REPS1: variants seen among roughly 807,000 people sequenced by gnomAD.
REPS1 encodes RALBP1 associated Eps domain containing 1.
In REPS1, 39 loss-of-function variants were observed where a neutral mutation model predicts 100.9. That is an observed-to-expected ratio of 0.39 (90% CI 0.30 to 0.50). The LOEUF (loss-of-function observed/expected upper bound fraction) is 0.50, where lower values mean the gene tolerates loss of function less well. REPS1 is among the 20% of genes least tolerant of loss of function. The pLI is 0.86. For synonymous variants in REPS1, 324 were observed against 340.3 expected (o/e 0.95, Z 0.53); for missense variants, 821 against 968.5 (o/e 0.85, Z 2.02).
intron 17 of REPS1, 87 bp downstream of exon 17, chr6:138,911,189 A>G (rs1779980005): frequency 3.4e-6 from 3 of 870,108 alleles, no homozygotes; most frequent in South Asian, 2.9e-5. Context: ...AATGGGTTAG[A>G]TGATTTCTGG....
chr6:138,949,538 C>CCAACA (rs907801817), intron 1 of REPS1, among the ~76,000 whole-genome samples: 1 of 151,932 alleles, frequency 6.6e-6, no homozygotes, highest in African/African-American at 2.4e-5. Flanking sequence ...ACCAGTCTGG[C>CCAACA]CAACACGGTG....
At chr6:138,908,591 G>A (rs1298070910) in intron 18 of REPS1, 77 bp downstream of exon 18, 1 of 1,520,814 alleles carries the variant, frequency 6.6e-7, no homozygotes, top group Non-Finnish European at 9.1e-7. Context: ...CACCACGCCT[G>A]GGCCAGTTTG....
intron 1 of REPS1, among the ~76,000 whole-genome samples, chr6:138,985,233 T>C (rs1220980103): frequency 6.6e-6 from 1 of 152,196 alleles, no homozygotes; most frequent in African/African-American, 2.4e-5. Flanking sequence ...TCCACCCTAA[T>C]TTAAAGTCCA....
chr6:138,935,715 A>G (rs924895958), intron 8 of REPS1, among the ~76,000 whole-genome samples: 4 of 151,666 alleles, frequency 2.6e-5, no homozygotes, highest in East Asian at 3.9e-4. Flanking sequence ...TTAGCCAGAC[A>G]TGGTGGCGCA....
chr6:138,908,600 T>G (rs1779811064), intron 18 of REPS1, 68 bp downstream of exon 18: 10 of 1,566,952 alleles, frequency 6.4e-6, no homozygotes, highest in Admixed American at 1.7e-5. Flanking sequence ...TGGGCCAGTT[T>G]GATTACTTTT....
At chr6:138,955,602 T>C (rs916167390) in intron 1 of REPS1, among the ~76,000 whole-genome samples, 3 of 151,934 alleles carry the variant, frequency 2.0e-5, no homozygotes, top group African/African-American at 7.3e-5. Flanking sequence ...TTTCCTTAAC[T>C]TTACTGGCTT....
intron 14 of REPS1, among the ~76,000 whole-genome samples, 172 bp downstream of exon 14, chr6:138,915,673 GAACTCATAACCTC>G (rs1780317911): frequency 6.6e-6 from 1 of 151,906 alleles, no homozygotes; most frequent in Admixed American, 6.6e-5. Flanking sequence ...GGCTGGTCTC[GAACTCATAACCTC>G]AAGTGATCTG....
rs1350712917 is a variant in REPS1, at chr6:138,941,328, A to G, written c.1135+7T>C. On this transcript the variant is annotated splice_region_variant and intron_variant, in intron 8 of 19. Transcript: ENST00000450536. ...TGCAAACAGCTCTCTTCAGCTCCCA[A>G]TCTTACCTGCTGAATCTTCCAAATC... 12 of 1,613,840 alleles carry G rather than the reference A, an allele frequency of 7.4e-6. No individual in the cohort carries two copies. Among genetic ancestry groups the G allele is most frequent in the South Asian group, 5.5e-5 (5 of 90,988 alleles).
At chr6:138,943,378 T>C (rs554458368) in intron 7 of REPS1, 135 bp downstream of exon 7, 5 of 528,118 alleles carry the variant, frequency 9.5e-6, no homozygotes, top group East Asian at 8.5e-5. Flanking sequence ...AAGCTGGCTA[T>C]TGTAAGGCAA....
At chr6:138,913,863 C>A (rs1027521212) in intron 15 of REPS1, among the ~76,000 whole-genome samples, 2 of 152,176 alleles carry the variant, frequency 1.3e-5, no homozygotes, top group African/African-American at 4.8e-5. Flanking sequence ...ATAAATTCCA[C>A]TTTATCTTTC....
intron 1 of REPS1, among the ~76,000 whole-genome samples, chr6:138,984,384 A>C (rs900426019): frequency 6.6e-6 from 1 of 151,988 alleles, no homozygotes; most frequent in Non-Finnish European, 1.5e-5. Flanking sequence ...TGCCCGGCCC[A>C]TATCTGATTT....
At chr6:138,982,238 A>C (rs1784995153) in intron 1 of REPS1, among the ~76,000 whole-genome samples, 1 of 152,220 alleles carries the variant, frequency 6.6e-6, no homozygotes, top group Non-Finnish European at 1.5e-5. Context: ...ATTGATTTAA[A>C]CAAGTTTCAA....
intron 1 of REPS1, among the ~76,000 whole-genome samples, chr6:138,958,115 G>C (rs1783515126): frequency 6.6e-6 from 1 of 152,174 alleles, no homozygotes; most frequent in Non-Finnish European, 1.5e-5. Context: ...AGGGAATACA[G>C]AGAAGTAACT....
chr6:138,912,940 G>C lies in REPS1; in HGVS notation c.1796C>G (p.Pro599Arg). The C allele has an allele frequency of 6.2e-7, 1 of 1,613,154 alleles. No homozygotes were observed. Among genetic ancestry groups the C allele is most frequent in the East Asian group, 2.2e-5 (1 of 44,858 alleles). ...GGCATCCACTGGGCGATGCACAGCA[G>C]GACCAGGAGCCTGTGCAATGGTTCA... ...PRPQPSQAPG[P>R]AVHRPVDADG... Residue 599 changes from proline (P) to arginine (R), a missense_variant, in exon 16 of 20, where the codon CCT (proline) becomes CGT (arginine). By Grantham distance (103) the Pro-to-Arg change is moderately radical (BLOSUM62 -2). This residue lies in a region of REPS1 where 757 missense variants were observed against 866.4 expected (regional missense o/e 0.87). Coordinates refer to ENST00000450536, the MANE Select transcript of REPS1 (RefSeq NM_001286611.2).
rs368732390 is a variant in REPS1 at position 138,919,243 on chromosome 6, C to A, written c.1528+972G>T. ...CTGAGGTCTTTTCCTCCACAATGTA[C>A]ACAATATAGCCAGAGTCCAGCCACT... is the stretch of plus-strand genomic sequence containing the variant. On this transcript the variant is annotated intron_variant, in intron 12 of 19. Transcript: ENST00000450536. 2.0e-5 allele frequency among the ~76,000 whole-genome samples: 3 copies of A among 152,248 alleles called. 1 individual carries two copies.
At chr6:138,967,637 C>A (rs1372357021) in intron 1 of REPS1, among the ~76,000 whole-genome samples, 1 of 152,092 alleles carries the variant, frequency 6.6e-6, no homozygotes, top group Non-Finnish European at 1.5e-5. Context: ...TTACCATAAT[C>A]CCAGTGCAGC....
At chr6:138,976,095 T>C (rs1370730149) in intron 1 of REPS1, among the ~76,000 whole-genome samples, 1 of 152,190 alleles carries the variant, frequency 6.6e-6, no homozygotes, top group Non-Finnish European at 1.5e-5. Context: ...TATGCATTCT[T>C]CTAAATCAGC....
intron 10 of REPS1, 36 bp downstream of exon 10, chr6:138,926,365 T>G (rs1439362331): frequency 2.7e-6 from 4 of 1,463,776 alleles, no homozygotes; most frequent in Non-Finnish European, 3.8e-6. Context: ...GTTAATAAAA[T>G]TAATCTCAAA....
chr6:138,914,663 G>A, intron 15 of REPS1, 34 bp downstream of exon 15: 1 of 1,536,042 alleles, frequency 6.5e-7, no homozygotes, highest in Non-Finnish European at 9.0e-7. Flanking sequence ...AAGTGATCAT[G>A]GGACATTTAG....
Sources: allele counts gnomAD v4.1 joint callset (sites outside exome capture counted in the v4.1 genomes callset), GRCh38; gene constraint gnomAD v4.1.1; regional missense constraint gnomAD v4.1.1; transcripts MANE v1.5; gene names NCBI Gene and HGNC (gene_info 2026-07-23, HGNC 2026-07-21).